The following IKBKB variants were observed in gnomAD, a reference collection of about 807,000 sequenced individuals.
IKBKB encodes inhibitor of nuclear factor kappa-B kinase subunit beta.
Under a neutral mutation model 113.6 loss-of-function variants are expected in IKBKB, and 42 were observed. The ratio of observed to expected loss-of-function variants is 0.37; its 90% CI spans 0.29 to 0.48. IKBKB has a LOEUF of 0.48. Ranked by LOEUF, IKBKB falls within the 20% of genes least tolerant of loss-of-function variation. The pLI is 0.99. For missense variants in IKBKB, 673 were observed against 939.7 expected (o/e 0.72, Z 3.71); for synonymous variants, 296 against 361.3 (o/e 0.82, Z 2.05).
At chr8:42,329,063 GC>G in intron 20 of IKBKB, 60 bp from the exon 21 acceptor site, 1 of 1,227,764 alleles carries the variant, frequency 8.1e-7, no homozygotes, top group South Asian at 1.3e-5. Flanking sequence ...TTTTAAAATA[GC>G]AGTGTTAGCT....
chr8:42,328,893 ATC>A (rs1821297508), intron 20 of IKBKB, among the ~76,000 whole-genome samples: 1 of 152,112 alleles, frequency 6.6e-6, no homozygotes, highest in African/African-American at 2.4e-5. Context: ...TTTTATTGAG[ATC>A]TGTTTGCTTT....
At chr8:42,306,182 C>A (rs1816488290) in intron 6 of IKBKB, among the ~76,000 whole-genome samples, 161 bp from the exon 7 acceptor site, 1 of 152,164 alleles carries the variant, frequency 6.6e-6, no homozygotes, top group African/African-American at 2.4e-5. Context: ...TCTACCGTGT[C>A]GAGGGCATTC....
intron 2 of IKBKB, among the ~76,000 whole-genome samples, chr8:42,284,530 C>T (rs1162729429): frequency 5.3e-5 from 8 of 149,932 alleles, no homozygotes; most frequent in Admixed American, 4.0e-4. Context: ...TGCAGTGAGC[C>T]GAGGTCGTGC....
chr8:42,304,279 T>A (rs528978337), intron 5 of IKBKB, among the ~76,000 whole-genome samples: 27 of 152,390 alleles, frequency 1.8e-4, no homozygotes, highest in African/African-American at 6.0e-4. Flanking sequence ...CTCATTTCAG[T>A]ACTATTTATT....
intron 9 of IKBKB, 41 bp downstream of exon 9, chr8:42,314,470 C>CT (rs746843748): frequency 3.0e-6 from 4 of 1,323,570 alleles, no homozygotes; most frequent in South Asian, 2.3e-5. Flanking sequence ...ATCTTTCTTG[C>CT]TTTTTTTAGA....
chr8:42,293,619 G>A, intron 5 of IKBKB, 107 bp downstream of exon 5: 1 of 1,591,742 alleles, frequency 6.3e-7, no homozygotes, highest in Non-Finnish European at 8.6e-7. Context: ...TTTGGTCTCT[G>A]TGGAAGGGGA....
intron 9 of IKBKB, among the ~76,000 whole-genome samples, chr8:42,314,905 G>A (rs1818390153): frequency 6.6e-6 from 1 of 152,084 alleles, no homozygotes; most frequent in South Asian, 2.1e-4. Context: ...TCTGGAATGG[G>A]TTTTCCTCCC....
At chr8:42,325,375 C>A (rs1820548105) in intron 19 of IKBKB, 1 of 986,086 alleles carries the variant, frequency 1.0e-6, no homozygotes, top group South Asian at 4.7e-5. Context: ...AGAATACTTT[C>A]CTGTTCTTTT....
chr8:42,319,709 T>A, intron 15 of IKBKB, 63 bp downstream of exon 15: 1 of 1,323,032 alleles, frequency 7.6e-7, no homozygotes, highest in Non-Finnish European at 1.0e-6. Flanking sequence ...CTCCCACTTT[T>A]CACTTTCTCA....
intron 4 of IKBKB, among the ~76,000 whole-genome samples, chr8:42,290,614 G>C (rs1030303150): frequency 6.6e-5 from 10 of 152,242 alleles, no homozygotes; most frequent in Non-Finnish European, 1.5e-4. Flanking sequence ...GGGCATGTTA[G>C]GGCCACGTTA....
rs558345711 is a variant in IKBKB, at chr8:42,291,620, G to A, written c.318+1347G>A. Among the ~76,000 whole-genome samples the A allele has an allele frequency of 3.3e-5, 5 of 152,272 alleles. No individual in the cohort carries two copies. In the East Asian group the frequency reaches 9.6e-4, roughly 29 times the overall value. The stretch of plus-strand genomic sequence containing the variant: ...GTGGCCATTCCCAGACACACTTCAG[G>A]TGCTGTTCTCACTGTTCCTCCAGGC... On this transcript the variant is annotated intron_variant, in intron 4 of 21. Coordinates refer to ENST00000520810, the MANE Select transcript of IKBKB (RefSeq NM_001556.3).
At chr8:42,290,033 T>C (rs1196217812) in intron 3 of IKBKB, 123 bp from the exon 4 acceptor site, 2 of 690,640 alleles carry the variant, frequency 2.9e-6, no homozygotes, top group East Asian at 2.6e-5. Context: ...TCCTGGGCTC[T>C]GTCTTCCTCT....
At chr8:42,327,330 C>CTCTT (rs769735000) in intron 20 of IKBKB, among the ~76,000 whole-genome samples, 1 of 105,430 alleles carries the variant, frequency 9.5e-6, no homozygotes. Flanking sequence ...CTCTCTCTCT[C>CTCTT]TTTTTTTTTT....
chr8:42,311,352 C>T (rs1202206528), intron 8 of IKBKB, among the ~76,000 whole-genome samples: 8 of 152,036 alleles, frequency 5.3e-5, no homozygotes, highest in African/African-American at 1.4e-4. Flanking sequence ...CACCTGAGGT[C>T]GAGTTTGAGG....
At chr8:42,282,045 A>T (rs1396658119) in intron 2 of IKBKB, among the ~76,000 whole-genome samples, 4 of 152,194 alleles carry the variant, frequency 2.6e-5, no homozygotes, top group African/African-American at 9.7e-5. Flanking sequence ...ACATGCTTAT[A>T]TATAAGTTTT....
At chr8:42,300,759 A>G (rs1815022935) in intron 5 of IKBKB, among the ~76,000 whole-genome samples, 1 of 152,238 alleles carries the variant, frequency 6.6e-6, no homozygotes, top group Non-Finnish European at 1.5e-5. Context: ...TCCTATGGCA[A>G]GTCTGCCATG....
chr8:42,329,468 G>A (rs1048287391), intron 21 of IKBKB: 13 of 793,878 alleles, frequency 1.6e-5, no homozygotes, highest in Admixed American at 1.2e-4. Context: ...GACTACAGGC[G>A]TGCGTCACCA....
At position 42,316,858 on chromosome 8, in the gene IKBKB, C is replaced by T. The variant is rs202120081; in HGVS notation, c.1079C>T (p.Ala360Val). ...DQELLQEAGL[A>V]LIPDKPATQC... ...GAGCTGCTGCAGGAAGCGGGCCTGG[C>T]GTTGATCCCCGATAAGCCTGCCACT... Residue 360 changes from alanine (A) to valine (V), a missense_variant, in exon 11 of 22, where the codon GCG (alanine) becomes GTG (valine). Around this residue, in one of 2 missense-constraint regions of IKBKB, gnomAD observed 506 missense variants for 638.7 expected, o/e 0.79. Coordinates refer to ENST00000520810, the MANE Select transcript of IKBKB (RefSeq NM_001556.3). The surrounding 1 kb of genome is among the most constrained non-coding windows in gnomAD (Gnocchi z 4.5). The T allele has an allele frequency of 6.8e-6, 11 of 1,614,108 alleles. No homozygotes were observed. The highest frequency in any genetic ancestry group is 6.7e-5 in the Admixed American group (4 of 60,020).
chr8:42,316,950 C>T lies in IKBKB; in HGVS notation c.1125+46C>T. The T allele has an allele frequency of 1.9e-6, 3 of 1,550,366 alleles. No individual in the cohort carries two copies. The highest frequency in any genetic ancestry group is 2.7e-6 in the Non-Finnish European group (3 of 1,126,998). ...CACCATCCTGTTTACCTTGGCTGTGCCTCCTGGGAAACTCAACACACTTTC... is the reference window on the plus strand; with the variant it reads ...CACCATCCTGTTTACCTTGGCTGTGTCTCCTGGGAAACTCAACACACTTTC... On this transcript the variant is annotated intron_variant, in intron 11 of 21. Coordinates refer to ENST00000520810, the MANE Select transcript of IKBKB (RefSeq NM_001556.3). The surrounding 1 kb of genome is among the most constrained non-coding windows in gnomAD (Gnocchi z 4.5).
Sources: allele counts gnomAD v4.1 joint callset (sites outside exome capture counted in the v4.1 genomes callset), GRCh38; gene constraint gnomAD v4.1.1; regional missense constraint gnomAD v4.1.1; non-coding constraint Gnocchi (gnomAD v3.1); transcripts MANE v1.5; gene names NCBI Gene and HGNC (gene_info 2026-07-23, HGNC 2026-07-21).